The following GABRB2 variants were observed in gnomAD, a reference collection of about 807,000 sequenced individuals.
The protein encoded by GABRB2 is gamma-aminobutyric acid receptor subunit beta-2.
Under a neutral mutation model 54.7 loss-of-function variants are expected in GABRB2, and 16 were observed. That is an observed-to-expected ratio of 0.29 (90% CI 0.20 to 0.44). GABRB2 has a LOEUF of 0.44. GABRB2 is among the 20% of genes least tolerant of loss of function. The probability of loss-of-function intolerance (pLI) is 1.00; values close to 1 mark genes in which losing one functional copy is unlikely to be tolerated. For missense variants in GABRB2, 355 were observed against 644.0 expected, an observed-to-expected ratio of 0.55 and a Z score of 4.86; for synonymous variants, 244 against 233.8, an observed-to-expected ratio of 1.04 and a Z score of -0.40.
At chr5:161,371,600 T>C (rs146043488) in intron 5 of GABRB2, among the ~76,000 whole-genome samples, 1 of 152,256 alleles carries the variant, frequency 6.6e-6, no homozygotes, top group East Asian at 1.9e-4. Context: ...ACATTTTCTA[T>C]GAGATATTGA....
chr5:161,427,510 G>C (rs1252651297), intron 4 of GABRB2, among the ~76,000 whole-genome samples: 1 of 152,058 alleles, frequency 6.6e-6, no homozygotes, highest in East Asian at 1.9e-4. Context: ...GTCTCAGTGG[G>C]GTTCTGTACG....
At chr5:161,475,031 G>GGA (rs1238921754) in intron 3 of GABRB2, among the ~76,000 whole-genome samples, 1 of 151,886 alleles carries the variant, frequency 6.6e-6, no homozygotes, top group East Asian at 1.9e-4. Context: ...CACACCAGCT[G>GGA]GAGAGAGGGA....
chr5:161,479,647 T>C (rs1408884244), intron 3 of GABRB2, among the ~76,000 whole-genome samples: 3 of 148,660 alleles, frequency 2.0e-5, no homozygotes, highest in Non-Finnish European at 4.4e-5. Context: ...GTGAGTGCAG[T>C]GGCACAATTT....
At chr5:161,462,843 G>A (rs1003695608) in intron 3 of GABRB2, among the ~76,000 whole-genome samples, 2 of 152,006 alleles carry the variant, frequency 1.3e-5, no homozygotes, top group South Asian at 2.1e-4. Flanking sequence ...ATGTTAGTGC[G>A]CATAAAAAGA....
intron 5 of GABRB2, among the ~76,000 whole-genome samples, chr5:161,360,676 C>A (rs569487953): frequency 2.8e-4 from 43 of 152,214 alleles, no homozygotes; most frequent in Middle Eastern, 3.4e-3. Context: ...GAGAATATGA[C>A]CATTCTCTGA....
intron 5 of GABRB2, among the ~76,000 whole-genome samples, chr5:161,407,923 C>A (rs1756393401): frequency 1.3e-5 from 2 of 151,988 alleles, no homozygotes; most frequent in South Asian, 4.1e-4. Context: ...AAACACCCCC[C>A]ATCCCTGTAT....
At chr5:161,373,374 A>C (rs1755186805) in intron 5 of GABRB2, among the ~76,000 whole-genome samples, 1 of 152,198 alleles carries the variant, frequency 6.6e-6, no homozygotes, top group Non-Finnish European at 1.5e-5. Flanking sequence ...ATTAAGAAGA[A>C]GACTAAACAA....
At chr5:161,298,067 C>T (rs1373031740) in intron 9 of GABRB2, among the ~76,000 whole-genome samples, 1 of 152,144 alleles carries the variant, frequency 6.6e-6, no homozygotes, top group Non-Finnish European at 1.5e-5. Context: ...TTGTTGGCCA[C>T]ATAAATGTCT....
At chr5:161,390,164 G>T (rs17520891) in intron 5 of GABRB2, among the ~76,000 whole-genome samples, 2,916 of 151,980 alleles carry the variant, frequency 0.019, 39 homozygotes, top group Middle Eastern at 0.082. Flanking sequence ...ACCTTTACGT[G>T]GCCAAATGTA....
intron 9 of GABRB2, among the ~76,000 whole-genome samples, chr5:161,317,858 T>C (rs1758089401): frequency 6.6e-6 from 1 of 152,030 alleles, no homozygotes; most frequent in Non-Finnish European, 1.5e-5. Flanking sequence ...TGTATGAATG[T>C]ATGAAAAAAT....
At chr5:161,353,306 C>G (rs1369746836) in intron 5 of GABRB2, among the ~76,000 whole-genome samples, 1 of 151,992 alleles carries the variant, frequency 6.6e-6, no homozygotes, top group Non-Finnish European at 1.5e-5. Flanking sequence ...TTAAAAATAT[C>G]TGATAAAGTA....
intron 5 of GABRB2, among the ~76,000 whole-genome samples, chr5:161,388,067 C>A (rs1755701645): frequency 6.6e-6 from 1 of 152,068 alleles, no homozygotes; most frequent in Non-Finnish European, 1.5e-5. Flanking sequence ...TCTTTCAATT[C>A]CAAGTTGCTC....
intron 9 of GABRB2, among the ~76,000 whole-genome samples, chr5:161,318,432 T>A (rs1342209744): frequency 6.6e-6 from 1 of 152,072 alleles, no homozygotes; most frequent in Non-Finnish European, 1.5e-5. Context: ...TATGGTATTA[T>A]ATTTAAATAC....
chr5:161,493,548 T>C (rs1262726415), intron 3 of GABRB2, among the ~76,000 whole-genome samples: 1 of 151,592 alleles, frequency 6.6e-6, no homozygotes, highest in Non-Finnish European at 1.5e-5. Flanking sequence ...AGATTCTGTT[T>C]AAAAAAAATT....
At chr5:161,421,381 C>T (rs1756845793) in intron 4 of GABRB2, among the ~76,000 whole-genome samples, 1 of 152,222 alleles carries the variant, frequency 6.6e-6, no homozygotes, top group Non-Finnish European at 1.5e-5. Flanking sequence ...TTTATATCCT[C>T]TCTTTCCCAC....
chr5:161,487,517 T>C (rs1017022691), intron 3 of GABRB2, among the ~76,000 whole-genome samples: 2 of 151,874 alleles, frequency 1.3e-5, no homozygotes, highest in Non-Finnish European at 2.9e-5. Context: ...TTTTGGCATA[T>C]GGAGTCAAAC....
At chr5:161,308,361 TGAAAA>T (rs1757762951) in intron 9 of GABRB2, among the ~76,000 whole-genome samples, 1 of 152,006 alleles carries the variant, frequency 6.6e-6, no homozygotes, top group South Asian at 2.1e-4. Context: ...GCCAATGAAA[TGAAAA>T]GAGAAAAACA....
chr5:161,438,933 TAAGA>T (rs1261679194), intron 4 of GABRB2, among the ~76,000 whole-genome samples: 1 of 152,086 alleles, frequency 6.6e-6, no homozygotes, highest in African/African-American at 2.4e-5. Context: ...AGGGCAAATC[TAAGA>T]GTTATTGGCC....
At chr5:161,462,842 C>T (rs1174982296) in intron 3 of GABRB2, among the ~76,000 whole-genome samples, 2 of 152,058 alleles carry the variant, frequency 1.3e-5, no homozygotes, top group African/African-American at 2.4e-5. Context: ...AATGTTAGTG[C>T]GCATAAAAAG....
Sources: allele counts gnomAD v4.1 joint callset (sites outside exome capture counted in the v4.1 genomes callset), GRCh38; gene constraint gnomAD v4.1.1; transcripts MANE v1.5; gene names NCBI Gene and HGNC (gene_info 2026-07-23, HGNC 2026-07-21).